Variants in TCTN2 observed in about 807,000 individuals in gnomAD.
The protein encoded by TCTN2 is tectonic family member 2.
A neutral mutation model predicts 83.4 loss-of-function variants in TCTN2; 66 were observed. That is an observed-to-expected ratio of 0.79 (90% CI 0.65 to 0.97). The LOEUF is 0.97. Among genes scored for constraint, TCTN2 ranks in the 50% least tolerant of loss-of-function variants. The probability of loss-of-function intolerance (pLI) is 0.00; values close to 1 mark genes in which losing one functional copy is unlikely to be tolerated. For missense variants in TCTN2, 794 were observed against 858.1 expected, an observed-to-expected ratio of 0.93 and a Z score of 0.93; for synonymous variants, 301 against 326.7, an observed-to-expected ratio of 0.92 and a Z score of 0.85.
At chr12:123,691,007 T>G (rs540946510) in intron 8 of TCTN2, among the ~76,000 whole-genome samples, 2 of 152,222 alleles carry the variant, frequency 1.3e-5, no homozygotes, top group East Asian at 3.9e-4. Context: ...TAGCTGGGAC[T>G]ACAGGTGCCT....
At chr12:123,687,547 C>A (rs1044101483) in intron 6 of TCTN2, among the ~76,000 whole-genome samples, 1 of 152,036 alleles carries the variant, frequency 6.6e-6, no homozygotes, top group Non-Finnish European at 1.5e-5. Flanking sequence ...GTCCCAGCTA[C>A]TAGGGAGGCT....
At chr12:123,692,752 T>C (rs541803794) in intron 9 of TCTN2, 29 bp downstream of exon 9, 2 of 1,537,800 alleles carry the variant, frequency 1.3e-6, no homozygotes, top group South Asian at 1.1e-5. Context: ...TGACGTCATT[T>C]CTTCAGAAAC....
chr12:123,685,813 C>T (rs1475398323), intron 5 of TCTN2, among the ~76,000 whole-genome samples: 1 of 150,232 alleles, frequency 6.7e-6, no homozygotes, highest in Non-Finnish European at 1.5e-5. Context: ...GCAGCCTCAG[C>T]CTCCTGGACT....
In TCTN2 at chr12:123,685,302, G is replaced by A. The variant is rs151246619; in HGVS notation, c.565-1534G>A. On this transcript the variant is annotated intron_variant, in intron 5 of 17. Coordinates refer to ENST00000303372, the MANE Select transcript of TCTN2 (RefSeq NM_024809.5). ...TCAATTTTTAATTTGAATTGCTCTC[G>A]TTTCAAATGAGAGATCACTTCTCTA... Among the ~76,000 whole-genome samples the A allele has an allele frequency of 7.0e-3, 1,069 of 152,204 alleles. 4 individuals carry two copies. The highest frequency in any genetic ancestry group is 0.011 in the Non-Finnish European group (780 of 68,006).
intron 5 of TCTN2, among the ~76,000 whole-genome samples, chr12:123,684,773 C>T (rs572916096): frequency 2.9e-4 from 44 of 151,998 alleles, no homozygotes; most frequent in Admixed American, 5.9e-4. Context: ...GTACAGCGGC[C>T]GGGCACGGTG....
At position 123,690,630 on chromosome 12, in the gene TCTN2, G is replaced by C. The variant is rs1956029868; in HGVS notation, c.989G>C (p.Arg330Pro). Residue 330 changes from arginine to proline, a missense_variant, in exon 8 of 18, where the codon CGA (arginine) becomes CCA (proline). By Grantham distance (103) the Arg-to-Pro change is moderately radical (BLOSUM62 -2). Transcript: ENST00000303372. The part of the protein sequence containing the change: ...CVTNLELYQE[R>P]DGIINAKIKN... ...ACTAATTTGGAACTATACCAAGAAC[G>C]AGATGGTATTATCAATGCGAAGATA... 1 of 1,614,110 alleles carries C rather than the reference G, an allele frequency of 6.2e-7. No individual in the cohort carries two copies. Among genetic ancestry groups the C allele is most frequent in the Non-Finnish European group, 8.5e-7 (1 of 1,180,000 alleles).
chr12:123,673,886 T>C, intron 4 of TCTN2, 76 bp downstream of exon 4: 1 of 1,463,466 alleles, frequency 6.8e-7, no homozygotes, highest in Non-Finnish European at 9.6e-7. Flanking sequence ...GAGGATTGCT[T>C]GAGCCCGGGA....
At chr12:123,687,518 G>A (rs1389134971) in intron 6 of TCTN2, among the ~76,000 whole-genome samples, 3 of 152,152 alleles carry the variant, frequency 2.0e-5, no homozygotes, top group East Asian at 1.9e-4. Flanking sequence ...TTAGCCAGGC[G>A]TGGTGGCACG....
At position 123,672,065 on chromosome 12, in the gene TCTN2, C is replaced by G. The variant is rs772417842; in HGVS notation, c.200C>G (p.Pro67Arg). The change falls in exon 3 of 18, where the codon CCA (proline) becomes CGA (arginine). Residue 67 changes from proline (P) to arginine (R), a missense_variant. Physicochemically the swap from Pro to Arg is moderately radical, Grantham distance 103. Coordinates refer to ENST00000303372, the MANE Select transcript of TCTN2 (RefSeq NM_024809.5). ...GGTCTTCTTTCTTTAGGAATATTGC[C>G]AATTCCGACGTGTGGAGTGCTGAAC... is the stretch of plus-strand genomic sequence containing the variant. ...AVLQDEAGIL[P>R]IPTCGVLNNE... 5.0e-6 allele frequency: 8 copies of G among 1,614,082 alleles called. No individual in the cohort carries two copies. In the South Asian group the frequency reaches 6.6e-5, roughly 13 times the overall value.
intron 5 of TCTN2, among the ~76,000 whole-genome samples, chr12:123,684,107 C>T (rs1457778794): frequency 6.6e-6 from 1 of 152,168 alleles, no homozygotes; most frequent in Non-Finnish European, 1.5e-5. Context: ...AAAACAGCTT[C>T]ACTGACGTAT....
At chr12:123,696,011 T>C (rs1956103351) in intron 11 of TCTN2, 2 of 222,268 alleles carry the variant, frequency 9.0e-6, no homozygotes, top group Non-Finnish European at 1.8e-5. Context: ...CCTCAGCAAA[T>C]TTTTGTACTT....
intron 5 of TCTN2, among the ~76,000 whole-genome samples, chr12:123,685,068 G>A (rs1447686399): frequency 1.3e-5 from 2 of 150,838 alleles, no homozygotes; most frequent in African/African-American, 4.9e-5. Context: ...AAAAAAAAGA[G>A]TAAAGTACAT....
chr12:123,679,803 G>A (rs1393874104), intron 5 of TCTN2, among the ~76,000 whole-genome samples: 12 of 134,570 alleles, frequency 8.9e-5, no homozygotes, highest in Admixed American at 4.0e-4. Context: ...GCAGTGGCGT[G>A]ATCTTGGCTC....
intron 5 of TCTN2, among the ~76,000 whole-genome samples, chr12:123,685,890 ATTTT>A (rs60954712): frequency 7.2e-6 from 1 of 139,210 alleles, no homozygotes; most frequent in Non-Finnish European, 1.6e-5. Context: ...TGCCTGGCTA[ATTTT>A]TTTTTTTTTT....
intron 14 of TCTN2, among the ~76,000 whole-genome samples, chr12:123,702,569 T>A (rs1451751825): frequency 6.6e-6 from 1 of 152,162 alleles, no homozygotes; most frequent in Non-Finnish European, 1.5e-5. Context: ...TGCTGTTTGC[T>A]CATCTAGCTG....
rs1955760505 is a variant in TCTN2 at position 123,672,099 on chromosome 12, G to A, written c.234G>A (p.Thr78=). The A allele has an allele frequency of 1.9e-6, 3 of 1,614,158 alleles. No individual in the cohort carries two copies. Among genetic ancestry groups the A allele is most frequent in the Non-Finnish European group, 1.7e-6 (2 of 1,180,016 alleles). ...CGTGTGGAGTGCTGAACAATGAGAC[G>A]GAAGACTGGAGCGTGACTGTGATCC... is the stretch of plus-strand genomic sequence containing the variant. ...IPTCGVLNNE[T]EDWSVTVIPG... Residue 78 remains threonine (T), a synonymous_variant, in exon 3 of 18, where the codon ACG becomes ACA. Coordinates refer to ENST00000303372, the MANE Select transcript of TCTN2 (RefSeq NM_024809.5).
rs770993932 is a variant in TCTN2 at position 123,686,977 on chromosome 12, T to A, written c.706T>A (p.Cys236Ser). 6.2e-7 allele frequency: 1 copy of A among 1,614,178 alleles called. No homozygotes were observed. The highest frequency in any genetic ancestry group is 8.5e-7 in the Non-Finnish European group (1 of 1,180,040). Residue 236 changes from cysteine (C) to serine (S), a missense_variant, in exon 6 of 18, where the codon TGT becomes AGT. Cys to Ser is a moderately radical substitution (Grantham distance 112). Coordinates refer to ENST00000303372, the MANE Select transcript of TCTN2 (RefSeq NM_024809.5). ...RGVPDWFPFLCVQSPLANTPF... is the reference protein window; with the variant it reads ...RGVPDWFPFLSVQSPLANTPF... ...TGTCCCCGATTGGTTTCCCTTTCTGTGTGTGCAGTCCCCCCTTGCCAACAC... is the reference window on the plus strand; with the variant it reads ...TGTCCCCGATTGGTTTCCCTTTCTGAGTGTGCAGTCCCCCCTTGCCAACAC...
Position 123,686,862 on chromosome 12 carries a change from G to C in TCTN2, c.591G>C (p.Leu197=), listed in dbSNP as rs777173825. Residue 197 remains leucine (L), a synonymous_variant, in exon 6 of 18, where the codon CTG becomes CTC. Transcript: ENST00000303372. ...AATGCTCATCAAATTTAACAACGCT[G>C]TTCAGACGGTCCTGCTTCACCGGCG... The part of the protein sequence containing the change: ...DQECSSNLTT[L]FRRSCFTGVF... 1 of 1,614,068 alleles carries C rather than the reference G, an allele frequency of 6.2e-7. No individual in the cohort carries two copies. The highest frequency in any genetic ancestry group is 1.3e-5 in the African/African-American group (1 of 74,916).
chr12:123,690,078 G>A (rs1956023501), intron 7 of TCTN2, among the ~76,000 whole-genome samples: 1 of 152,184 alleles, frequency 6.6e-6, no homozygotes, highest in African/African-American at 2.4e-5. Flanking sequence ...GGGATTACAG[G>A]TGTGAGCCAC....
Sources: allele counts gnomAD v4.1 joint callset (sites outside exome capture counted in the v4.1 genomes callset), GRCh38; gene constraint gnomAD v4.1.1; transcripts MANE v1.5; gene names NCBI Gene and HGNC (gene_info 2026-07-23, HGNC 2026-07-21).